Variants in ANK2 observed in about 807,000 individuals in gnomAD.
ANK2 encodes ankyrin-2.
Under a neutral mutation model 360.5 loss-of-function variants are expected in ANK2, and 83 were observed. The ratio of observed to expected loss-of-function variants is 0.23; its 90% CI spans 0.19 to 0.28. The LOEUF is 0.28. Among genes scored for constraint, ANK2 ranks in the 10% least tolerant of loss-of-function variants. ANK2 has a pLI of 1.00. For missense variants in ANK2, 4,201 were observed against 4,795.7 expected (o/e 0.88, Z 3.66); for synonymous variants, 1,740 against 1,759.5 (o/e 0.99, Z 0.28).
chr4:112,875,084 C>T (rs553217635), intron 1 of ANK2, among the ~76,000 whole-genome samples: 14 of 150,586 alleles, frequency 9.3e-5, no homozygotes, highest in Non-Finnish European at 7.4e-5. Flanking sequence ...GTTGCCCAGG[C>T]GATCTTGGCT....
intron 1 of ANK2, among the ~76,000 whole-genome samples, chr4:112,859,849 G>T (rs1310907811): frequency 6.6e-6 from 1 of 152,202 alleles, no homozygotes; most frequent in African/African-American, 2.4e-5. Flanking sequence ...CCTGGAAAAC[G>T]ATAATAGAAA....
At chr4:112,950,660 A>G (rs554256873) in intron 2 of ANK2, among the ~76,000 whole-genome samples, 1 of 151,752 alleles carries the variant, frequency 6.6e-6, no homozygotes, top group Non-Finnish European at 1.5e-5. Context: ...AAAAAAAAAA[A>G]AAAGAAAAAA....
the ANK2 span, among the ~76,000 whole-genome samples, chr4:112,709,678 G>A: frequency 1.3e-5 from 2 of 152,308 alleles, no homozygotes; most frequent in East Asian, 3.9e-4. Context: ...GAACCCAGGA[G>A]GCGGAGGTTG....
intron 2 of ANK2, among the ~76,000 whole-genome samples, chr4:113,000,134 G>T (rs2050103523): frequency 6.6e-6 from 1 of 152,158 alleles, no homozygotes. Flanking sequence ...AGAAAAGGGG[G>T]GTTGGCTCTG....
At chr4:113,111,098 T>C (rs1410095133) in intron 1 of ANK2, among the ~76,000 whole-genome samples, 1 of 152,196 alleles carries the variant, frequency 6.6e-6, no homozygotes, top group Non-Finnish European at 1.5e-5. Flanking sequence ...TATATGTAAA[T>C]ACAAAATTAT....
Position 112,902,097 on chromosome 4 carries a change from AG to A in ANK2, c.-39-2357del, listed in dbSNP as rs572737663. 6.8e-4 allele frequency among the ~76,000 whole-genome samples: 104 copies of A among 152,282 alleles called. 1 individual carries two copies. The highest frequency in any genetic ancestry group is 2.3e-3 in the African/African-American group (97 of 41,564). On this transcript the variant is annotated intron_variant, in intron 1 of 30. Transcript: ENST00000503271. ...CTTAAATTGCTCTTGAGTTTCCTGG[AG>A]AAGAATAAACATGTATGCAAAAGCC...
chr4:113,041,634 A>G (rs913700933), intron 2 of ANK2, among the ~76,000 whole-genome samples: 2 of 152,132 alleles, frequency 1.3e-5, no homozygotes, highest in African/African-American at 4.8e-5. Flanking sequence ...ATCTTACTAC[A>G]TGGTTCACAA....
At chr4:113,084,030 A>G (rs1344339014) in intron 1 of ANK2, among the ~76,000 whole-genome samples, 1 of 152,104 alleles carries the variant, frequency 6.6e-6, no homozygotes, top group Non-Finnish European at 1.5e-5. Flanking sequence ...TCGGGGACTC[A>G]AGTTTATAAA....
At chr4:113,305,723 CCTG>C (rs1307616739) in intron 23 of ANK2, among the ~76,000 whole-genome samples, 3 of 152,136 alleles carry the variant, frequency 2.0e-5, no homozygotes, top group Non-Finnish European at 2.9e-5. Flanking sequence ...TTTTATGAAA[CCTG>C]CTATCATCCA....
chr4:113,266,091 A>C (rs1483441064), intron 14 of ANK2, among the ~76,000 whole-genome samples: 1 of 151,998 alleles, frequency 6.6e-6, no homozygotes, highest in Admixed American at 6.6e-5. Context: ...ATTTCTCCTA[A>C]TGCTATTTCT....
At chr4:113,263,322 A>G (rs1234555120) in intron 13 of ANK2, among the ~76,000 whole-genome samples, 1 of 152,158 alleles carries the variant, frequency 6.6e-6, no homozygotes, top group Non-Finnish European at 1.5e-5. Flanking sequence ...CTAAAGTCTG[A>G]AGATAAATAT....
At chr4:112,951,461 G>C (rs1217000957) in intron 2 of ANK2, among the ~76,000 whole-genome samples, 2 of 152,148 alleles carry the variant, frequency 1.3e-5, no homozygotes, top group African/African-American at 4.8e-5. Flanking sequence ...GTTATTTAAT[G>C]ATTCAAATGA....
chr4:112,930,448 C>CA (rs11427035), intron 2 of ANK2, among the ~76,000 whole-genome samples: 20,793 of 122,144 alleles, frequency 0.17, 1,580 homozygotes, highest in Middle Eastern at 0.25. Context: ...GACCCTGTCT[C>CA]AAAAAAAAAA....
intron 2 of ANK2, among the ~76,000 whole-genome samples, chr4:113,024,800 T>C (rs975341666): frequency 6.6e-6 from 1 of 152,198 alleles, no homozygotes. Context: ...TATGCGTTTG[T>C]TAGTCACAAA....
intron 18 of ANK2, among the ~76,000 whole-genome samples, chr4:113,284,037 T>G (rs781592490): frequency 6.6e-6 from 1 of 152,240 alleles, no homozygotes. Context: ...CCCCTGCCCT[T>G]ACGTACTTCT....
rs57101394 is a variant in ANK2 at position 113,174,312 on chromosome 4, A to G, written c.85-104A>G. On this transcript the variant is annotated intron_variant, in intron 1 of 45. Transcript: ENST00000357077. ...AACTCCGTATTATTGAAATTTTTCCAACTAAAGCTTTTCTGACTTCAGTGT... is the reference window on the plus strand; with the variant it reads ...AACTCCGTATTATTGAAATTTTTCCGACTAAAGCTTTTCTGACTTCAGTGT... The G allele has an allele frequency of 1.1e-4, 102 of 950,132 alleles. 3 individuals carry two copies. The Middle Eastern group carries it at 1.6e-3, about 15-fold the overall frequency. 58.9% of individuals were successfully genotyped at this position (950,132 alleles called of 1,614,324 possible).
chr4:112,855,052 C>A (rs370826326), intron 1 of ANK2, among the ~76,000 whole-genome samples: 1 of 152,162 alleles, frequency 6.6e-6, no homozygotes, highest in Admixed American at 6.5e-5. Flanking sequence ...TCCTAATATT[C>A]TTTCTCTCGA....
intron 23 of ANK2, among the ~76,000 whole-genome samples, chr4:113,310,125 G>T (rs550196211): frequency 3.9e-5 from 6 of 152,232 alleles, no homozygotes; most frequent in Non-Finnish European, 7.4e-5. Context: ...AAGATAAATG[G>T]GAGAAATAAG....
the ANK2 span, among the ~76,000 whole-genome samples, chr4:112,764,851 G>T: frequency 1.3e-5 from 2 of 151,864 alleles, no homozygotes; most frequent in Admixed American, 6.6e-5. Flanking sequence ...GGGATTACAG[G>T]CATGTGCCAC....
Sources: allele counts gnomAD v4.1 joint callset (sites outside exome capture counted in the v4.1 genomes callset), GRCh38; gene constraint gnomAD v4.1.1; transcripts MANE v1.5; gene names NCBI Gene and HGNC (gene_info 2026-07-23, HGNC 2026-07-21).